The following NAV2 variants were observed in gnomAD, a reference collection of about 807,000 sequenced individuals.
The protein encoded by NAV2 is helicase, APC down-regulated 1.
A neutral mutation model predicts 223.2 loss-of-function variants in NAV2; 54 were observed. That is an observed-to-expected ratio of 0.24 (90% CI 0.19 to 0.30). The LOEUF (loss-of-function observed/expected upper bound fraction) is 0.30. Among genes scored for constraint, NAV2 ranks in the 10% least tolerant of loss-of-function variants. The pLI is 1.00. For synonymous variants in NAV2, 1,279 were observed against 1,239.3 expected, an observed-to-expected ratio of 1.03 and a Z score of -0.67; for missense variants, 2,806 against 3,147.5, an observed-to-expected ratio of 0.89 and a Z score of 2.60.
intron 1 of NAV2, among the ~76,000 whole-genome samples, chr11:19,528,595 G>A (rs1462619501): frequency 6.6e-6 from 1 of 151,852 alleles, no homozygotes; most frequent in Non-Finnish European, 1.5e-5. Flanking sequence ...TTAGCCTTCA[G>A]GCTGCCAAGT....
chr11:19,577,997 A>G (rs183860017), intron 1 of NAV2, among the ~76,000 whole-genome samples: 183 of 152,342 alleles, frequency 1.2e-3, no homozygotes, highest in Non-Finnish European at 2.0e-3. Flanking sequence ...GAGGAAAGAA[A>G]GGATCCAGAG....
chr11:20,114,569 G>C lies in NAV2; in HGVS notation c.6961-23G>C, dbSNP rs779315389. ...GAGAGATCTGGGCCACTTCCAGACT[G>C]TTCCTTCTTTGCCTGTTTTCAGCTC... On this transcript the variant is annotated intron_variant, in intron 36 of 37. Transcript: ENST00000349880. The C allele has an allele frequency of 2.7e-5, 43 of 1,612,608 alleles. 1 individual carries two copies. In the South Asian group the frequency reaches 4.5e-4, roughly 17 times the overall value.
chr11:19,814,838 T>C (rs2059011323), intron 1 of NAV2, among the ~76,000 whole-genome samples: 1 of 152,140 alleles, frequency 6.6e-6, no homozygotes, highest in South Asian at 2.1e-4. Context: ...CCTATTCTTC[T>C]TGTAAAAATG....
intron 1 of NAV2, among the ~76,000 whole-genome samples, chr11:19,724,102 T>C (rs2051020262): frequency 6.6e-6 from 1 of 152,326 alleles, no homozygotes; most frequent in African/African-American, 2.4e-5. Context: ...AGGAGACCTA[T>C]GAGGCCATCT....
chr11:20,094,083 T>TA (rs374533720), intron 29 of NAV2, among the ~76,000 whole-genome samples: 16 of 152,226 alleles, frequency 1.1e-4, no homozygotes, highest in African/African-American at 3.9e-4. Flanking sequence ...AGCCTCACTA[T>TA]AGGGGGTAAG....
At chr11:19,821,189 G>A (rs1198189802) in intron 1 of NAV2, among the ~76,000 whole-genome samples, 1 of 151,690 alleles carries the variant, frequency 6.6e-6, no homozygotes, top group East Asian at 1.9e-4. Flanking sequence ...GTGAACCCGG[G>A]AGGCGGAGCT....
At chr11:20,017,617 T>C (rs1248640068) in intron 11 of NAV2, among the ~76,000 whole-genome samples, 1 of 152,208 alleles carries the variant, frequency 6.6e-6, no homozygotes, top group Non-Finnish European at 1.5e-5. Context: ...CATTTCCTTT[T>C]CCTCCGCCTT....
intron 2 of NAV2, among the ~76,000 whole-genome samples, chr11:19,840,203 T>C (rs113672865): frequency 0.01 from 1,547 of 152,332 alleles, 34 homozygotes; most frequent in African/African-American, 0.036. Context: ...TCTTCCCGTG[T>C]ACTCTTTAGA....
In NAV2 at chr11:20,101,049, C is replaced by G. The variant is rs377520532; in HGVS notation, c.6294C>G (p.Gly2098=). The G allele has an allele frequency of 3.7e-5, 60 of 1,613,986 alleles. No individual in the cohort carries two copies. The highest frequency in any genetic ancestry group is 5.1e-5 in the Non-Finnish European group (60 of 1,179,992). ...LIEHRRIILS[G]PSGTGKTYLA... is the part of the protein sequence containing the mutation. The stretch of plus-strand genomic sequence containing the variant: ...AGCACCGTCGGATCATTCTCTCTGG[C>G]CCCAGCGGCACTGGGAAAACCTACC... Residue 2098 remains glycine, a synonymous_variant, in exon 32 of 38, where the codon GGC becomes GGG. Transcript: ENST00000349880.
chr11:19,491,754 G>T (rs913352697), intron 1 of NAV2, among the ~76,000 whole-genome samples: 21 of 152,048 alleles, frequency 1.4e-4, no homozygotes, highest in African/African-American at 5.1e-4. Context: ...TCACAATTTG[G>T]CTGTTTTGTG....
chr11:20,106,174 T>C lies in NAV2; in HGVS notation c.6841+447T>C, dbSNP rs1195863561. ...GTGTGTGTATATATATATATATATA[T>C]ATGTGTGTGTATATATATATATATA... On this transcript the variant is annotated intron_variant, in intron 35 of 37. Coordinates refer to ENST00000349880, the MANE Select transcript of NAV2 (RefSeq NM_145117.5). Among the ~76,000 whole-genome samples the C allele has an allele frequency of 4.1e-4, 5 of 12,120 alleles. 1 individual carries two copies. In the East Asian group the frequency reaches 0.032, roughly 77 times the overall value. The allele number at this position is 12,120 out of a possible 152,430, so 8.0% of individuals were successfully genotyped here. A position where few individuals can be genotyped will look rare whatever the true frequency, so the allele number is the denominator to read the frequency against.
At chr11:19,397,419 G>GTGTGTGTGTGTGTGTGTGTGTGCA (rs1554919831) in intron 1 of NAV2, among the ~76,000 whole-genome samples, 2 of 70,514 alleles carry the variant, frequency 2.8e-5, no homozygotes, top group Non-Finnish European at 5.8e-5. Flanking sequence ...GTGTGTGTGT[G>GTGTGTGTGTGTGTGTGTGTGTGCA]CGCGCATGTG....
chr11:19,829,388 GA>G (rs2059812367), intron 1 of NAV2, among the ~76,000 whole-genome samples: 1 of 152,280 alleles, frequency 6.6e-6, no homozygotes, highest in South Asian at 2.1e-4. Context: ...CCAGACTCTT[GA>G]AATTTGGCTG....
Position 20,119,051 on chromosome 11 carries a change from A to G in NAV2, c.*793A>G, listed in dbSNP as rs2063342992. ...GCATGTGTCTCTTTCCTTCTGATAT[A>G]TGAATGAATCAGGTTTTTTTTTTTT... On this transcript the variant is annotated 3_prime_UTR_variant, in exon 38 of 38. Coordinates refer to ENST00000349880, the MANE Select transcript of NAV2 (RefSeq NM_145117.5). 1 of 143,108 alleles carries G rather than the reference A, an allele frequency of 7.0e-6. No homozygotes were observed. The highest frequency in any genetic ancestry group is 1.5e-5 in the Non-Finnish European group (1 of 66,148). 8.9% of individuals were successfully genotyped at this position (143,108 alleles called of 1,614,324 possible). A position where few individuals can be genotyped will look rare whatever the true frequency, so the allele number is the denominator to read the frequency against.
intron 36 of NAV2, among the ~76,000 whole-genome samples, chr11:20,113,530 T>C (rs10833245): frequency 0.083 from 12,611 of 152,146 alleles, 692 homozygotes; most frequent in African/African-American, 0.16. Context: ...AGTGATAATA[T>C]AGTTTACTGT....
intron 1 of NAV2, among the ~76,000 whole-genome samples, chr11:19,749,260 AGATGCT>A (rs1366612049): frequency 1.3e-5 from 2 of 152,176 alleles, no homozygotes; most frequent in Non-Finnish European, 2.9e-5. Context: ...TGCGCCTTCA[AGATGCT>A]GAAACCAAGC....
chr11:20,058,069 G>A (rs1057088243), intron 19 of NAV2, among the ~76,000 whole-genome samples: 1 of 152,154 alleles, frequency 6.6e-6, no homozygotes, highest in South Asian at 2.1e-4. Flanking sequence ...TTCTTCTAAG[G>A]TTATTACATT....
chr11:19,826,595 C>T (rs1487269568), intron 1 of NAV2, among the ~76,000 whole-genome samples: 4 of 152,138 alleles, frequency 2.6e-5, no homozygotes, highest in African/African-American at 9.7e-5. Flanking sequence ...GGCCCATGAA[C>T]ACTGACTTAA....
chr11:19,988,796 G>A (rs916718355), intron 11 of NAV2, among the ~76,000 whole-genome samples: 1 of 152,116 alleles, frequency 6.6e-6, no homozygotes, highest in African/African-American at 2.4e-5. Context: ...CTCCTTCCTT[G>A]CTGGGAGTGT....
Sources: gnomAD v4.1 joint callset for allele counts (sites outside exome capture counted in the v4.1 genomes callset) on GRCh38, gnomAD v4.1.1 for gene constraint, MANE v1.5 for transcripts, NCBI Gene and HGNC (gene_info 2026-07-23, HGNC 2026-07-21) for gene names.